LMBRD1: variants seen among roughly 807,000 people sequenced by gnomAD.
LMBRD1 encodes the protein lysosomal cobalamin transport escort protein LMBD1.
In LMBRD1, 64 loss-of-function variants were observed where a neutral mutation model predicts 74.8. That is an observed-to-expected ratio of 0.86 (90% CI 0.70 to 1.05). The LOEUF (loss-of-function observed/expected upper bound fraction) is 1.05, where lower values mean the gene tolerates loss of function less well. Ranked by LOEUF, LMBRD1 falls within the 50% of genes least tolerant of loss-of-function variation. The probability of loss-of-function intolerance (pLI) is 0.00; values close to 1 mark genes in which losing one functional copy is unlikely to be tolerated. For synonymous variants in LMBRD1, 204 were observed against 216.3 expected (o/e 0.94, Z 0.50); for missense variants, 652 against 645.9 (o/e 1.01, Z -0.10).
intron 3 of LMBRD1, among the ~76,000 whole-genome samples, chr6:69,771,305 T>C (rs960780503): frequency 5.3e-5 from 8 of 152,200 alleles, no homozygotes; most frequent in African/African-American, 1.9e-4. Flanking sequence ...CACTAGCTGT[T>C]GGCTGGAGGC....
At chr6:69,690,079 C>A (rs1218800093) in intron 14 of LMBRD1, among the ~76,000 whole-genome samples, 1 of 149,520 alleles carries the variant, frequency 6.7e-6, no homozygotes, top group African/African-American at 2.5e-5. Flanking sequence ...TTTTTTTAAA[C>A]TAGTTCTTGT....
chr6:69,748,788 T>C (rs1208526006), intron 5 of LMBRD1, among the ~76,000 whole-genome samples: 1 of 151,984 alleles, frequency 6.6e-6, no homozygotes, highest in African/African-American at 2.4e-5. Flanking sequence ...GATATTAGTA[T>C]AAAAACAAGA....
intron 4 of LMBRD1, 79 bp downstream of exon 4, chr6:69,752,180 T>A: frequency 1.4e-6 from 2 of 1,425,288 alleles, no homozygotes; most frequent in African/African-American, 1.4e-5. Context: ...TAGAAAAAAT[T>A]CAGTCATTCA....
chr6:69,777,681 C>CA (rs71750044), intron 3 of LMBRD1, among the ~76,000 whole-genome samples: 50,274 of 140,328 alleles, frequency 0.36, 9,257 homozygotes, highest in East Asian at 0.55. Flanking sequence ...GTAGAAAATA[C>CA]AAAAAAAAAA....
intron 7 of LMBRD1, among the ~76,000 whole-genome samples, chr6:69,721,295 T>C (rs1766609413): frequency 1.3e-5 from 2 of 152,106 alleles, no homozygotes; most frequent in African/African-American, 4.8e-5. Flanking sequence ...CCCAACCCCA[T>C]GAAGTGCAGC....
In LMBRD1 at chr6:69,796,935, G is replaced by A. The variant is rs372256419; in HGVS notation, c.-54C>T. On this transcript the variant is annotated 5_prime_UTR_variant, in exon 1 of 16. Coordinates refer to ENST00000649934, the MANE Select transcript of LMBRD1 (RefSeq NM_018368.4). Reference sequence around the variant, plus strand: ...CGCCCGGGGTGGGGAAAGGGGAGGGGGAAAGGGGAGAGAGCGCGAGATATA... The same window carrying A: ...CGCCCGGGGTGGGGAAAGGGGAGGGAGAAAGGGGAGAGAGCGCGAGATATA... 4.0e-6 allele frequency: 6 copies of A among 1,493,962 alleles called. No homozygotes were observed. The highest frequency in any genetic ancestry group is 2.3e-5 in the East Asian group (1 of 43,616). The allele number at this position is 1,493,962 out of a possible 1,614,324, so 92.5% of individuals were successfully genotyped here.
At chr6:69,693,981 A>G (rs1321776186) in intron 14 of LMBRD1, among the ~76,000 whole-genome samples, 1 of 152,138 alleles carries the variant, frequency 6.6e-6, no homozygotes, top group East Asian at 1.9e-4. Context: ...TTGTATTGCA[A>G]AATAACATTT....
intron 1 of LMBRD1, among the ~76,000 whole-genome samples, chr6:69,796,468 G>A (rs147440441): frequency 6.6e-6 from 1 of 152,298 alleles, no homozygotes; most frequent in African/African-American, 2.4e-5. Flanking sequence ...ATGTTTTACA[G>A]GGGACGAAAG....
In LMBRD1 at chr6:69,701,929, A is replaced by G. The variant is rs1409901040; in HGVS notation, c.940T>C (p.Leu314=). Residue 314 remains leucine, a synonymous_variant, in exon 10 of 16, where the codon TTA becomes CTA. Transcript: ENST00000649934. ...GAAATTACAAACAGCAATGCAACTA[A>G]GATGAAAAATATTCCCCAGACGATC... The part of the protein sequence containing the change: ...LKIVWGIFFI[L]VALLFVISLF... 1.2e-6 allele frequency: 2 copies of G among 1,601,684 alleles called. No homozygotes were observed. The highest frequency in any genetic ancestry group is 8.5e-7 in the Non-Finnish European group (1 of 1,169,614).
intron 14 of LMBRD1, among the ~76,000 whole-genome samples, chr6:69,683,116 A>G (rs1765696484): frequency 6.6e-6 from 1 of 152,012 alleles, no homozygotes; most frequent in Non-Finnish European, 1.5e-5. Context: ...CTAGAAAAAG[A>G]ACCTCAACAT....
At chr6:69,781,845 T>C (rs963002054) in intron 2 of LMBRD1, among the ~76,000 whole-genome samples, 1 of 152,162 alleles carries the variant, frequency 6.6e-6, no homozygotes, top group African/African-American at 2.4e-5. Flanking sequence ...AATTAATATA[T>C]ATCACCAATC....
intron 14 of LMBRD1, among the ~76,000 whole-genome samples, chr6:69,687,091 T>C (rs1348286952): frequency 2.0e-5 from 3 of 152,210 alleles, no homozygotes; most frequent in Non-Finnish European, 2.9e-5. Context: ...CCAGATACTT[T>C]TCATTTGAAA....
At chr6:69,685,165 T>C (rs547893804) in intron 14 of LMBRD1, among the ~76,000 whole-genome samples, 13 of 152,116 alleles carry the variant, frequency 8.5e-5, no homozygotes, top group Admixed American at 4.6e-4. Flanking sequence ...AAAAAGAAGG[T>C]TGAGTTAGAA....
chr6:69,777,590 T>TA (rs1268153303), intron 3 of LMBRD1, among the ~76,000 whole-genome samples: 1 of 151,374 alleles, frequency 6.6e-6, no homozygotes, highest in Non-Finnish European at 1.5e-5. Context: ...GCTGAGGAAA[T>TA]AAGAACTACT....
chr6:69,773,069 T>C (rs1209372097), intron 3 of LMBRD1, among the ~76,000 whole-genome samples: 1 of 152,162 alleles, frequency 6.6e-6, no homozygotes. Flanking sequence ...TCAAGTTAGA[T>C]TCTAGGAGTT....
intron 14 of LMBRD1, among the ~76,000 whole-genome samples, chr6:69,691,373 G>GT (rs887889564): frequency 4.6e-5 from 7 of 151,914 alleles, no homozygotes; most frequent in Admixed American, 6.6e-5. Flanking sequence ...CCTTTCTAAA[G>GT]TTTTTTCTTC....
At chr6:69,758,987 G>A (rs1765321284) in intron 3 of LMBRD1, among the ~76,000 whole-genome samples, 2 of 152,070 alleles carry the variant, frequency 1.3e-5, no homozygotes, top group African/African-American at 4.8e-5. Flanking sequence ...CTATTCACTG[G>A]AATTAGATCA....
intron 2 of LMBRD1, 115 bp from the exon 3 acceptor site, chr6:69,780,669 A>C: frequency 1.3e-6 from 1 of 759,724 alleles, no homozygotes; most frequent in Non-Finnish European, 2.3e-6. Context: ...CCCACATAAA[A>C]ACAATCTATG....
chr6:69,759,072 A>G (rs1293209831), intron 3 of LMBRD1, among the ~76,000 whole-genome samples: 2 of 152,166 alleles, frequency 1.3e-5, no homozygotes, highest in Non-Finnish European at 2.9e-5. Flanking sequence ...GTACTCCCAG[A>G]TGTCTAGTAA....
Sources: gnomAD v4.1 joint callset for allele counts (sites outside exome capture counted in the v4.1 genomes callset) on GRCh38, gnomAD v4.1.1 for gene constraint, MANE v1.5 for transcripts, NCBI Gene and HGNC (gene_info 2026-07-23, HGNC 2026-07-21) for gene names.